LRRC2: variants seen among roughly 807,000 people sequenced by gnomAD.
The protein encoded by LRRC2 is leucine rich repeat containing 2, also known as leucine-rich repeat-containing protein 2.
In LRRC2, 27 loss-of-function variants were observed where a neutral mutation model predicts 40.2. The observed-to-expected ratio is 0.67, with a 90% confidence interval of 0.49 to 0.93. The LOEUF (loss-of-function observed/expected upper bound fraction) is 0.93, where lower values mean the gene tolerates loss of function less well. Ranked by LOEUF, LRRC2 falls within the 40% of genes least tolerant of loss-of-function variation. The pLI, the probability that LRRC2 is intolerant of heterozygous loss-of-function variation, is 0.00. For synonymous variants in LRRC2, 147 were observed against 158.9 expected, an observed-to-expected ratio of 0.92 and a Z score of 0.56; for missense variants, 402 against 439.6, an observed-to-expected ratio of 0.91 and a Z score of 0.76.
chr3:46,554,610 CCA>C, intron 1 of LRRC2, among the ~76,000 whole-genome samples: 1 of 149,282 alleles, frequency 6.7e-6, no homozygotes, highest in Middle Eastern at 3.5e-3. Flanking sequence ...CCAGCGCACT[CCA>C]GTCTGGGAGA....
At chr3:46,549,201 G>C (rs886602400) in intron 2 of LRRC2, among the ~76,000 whole-genome samples, 4 of 152,144 alleles carry the variant, frequency 2.6e-5, no homozygotes, top group Non-Finnish European at 5.9e-5. Flanking sequence ...ATTTGTTTCA[G>C]TAAATTTAAA....
Position 46,527,558 on chromosome 3 carries a change from A to C in LRRC2, c.797T>G (p.Leu266Arg). ...IDRLEELQSF[L>R]LYKNKLTYLP... is the part of the protein sequence containing the mutation. ...GTAGGTCAACTTGTTTTTATACAAG[A>C]GAAAGCTCTGCAGCTCCTCTAGCCT... Residue 266 changes from leucine (L) to arginine (R), a missense_variant, in exon 7 of 9, where the codon CTC becomes CGC. Physicochemically the swap from Leu to Arg is moderately radical, Grantham distance 102. Transcript: ENST00000395905. The C allele has an allele frequency of 6.2e-7, 1 of 1,614,082 alleles. No individual in the cohort carries two copies. Among genetic ancestry groups the C allele is most frequent in the Non-Finnish European group, 8.5e-7 (1 of 1,179,936 alleles).
intron 5 of LRRC2, among the ~76,000 whole-genome samples, chr3:46,532,367 G>A (rs1704177258): frequency 6.6e-6 from 1 of 152,182 alleles, no homozygotes; most frequent in Non-Finnish European, 1.5e-5. Flanking sequence ...GACTCTGGGA[G>A]GCCAAGGCAG....
At chr3:46,542,127 CT>C (rs1160209829) in intron 3 of LRRC2, among the ~76,000 whole-genome samples, 1 of 152,100 alleles carries the variant, frequency 6.6e-6, no homozygotes, top group Non-Finnish European at 1.5e-5. Flanking sequence ...TGTTAGTGCT[CT>C]GGACAACCCA....
chr3:46,529,021 G>A (rs1201563067), intron 6 of LRRC2, among the ~76,000 whole-genome samples: 1 of 152,034 alleles, frequency 6.6e-6, no homozygotes, highest in Non-Finnish European at 1.5e-5. Context: ...GGAGGCTGAG[G>A]TGAGGGAATT....
At chr3:46,531,692 T>G (rs992466552) in intron 5 of LRRC2, among the ~76,000 whole-genome samples, 2 of 152,150 alleles carry the variant, frequency 1.3e-5, no homozygotes, top group Admixed American at 6.5e-5. Flanking sequence ...CCATGACCCC[T>G]GGCTGTGCAC....
chr3:46,539,202 C>A lies in LRRC2; in HGVS notation c.334-1G>T, dbSNP rs889640812. Reference sequence around the variant, plus strand: ...GCTCCTTCAATGAATCTGGGAGCTCCTAAAATAGAAAGAATGACATCAATC... The same window carrying A: ...GCTCCTTCAATGAATCTGGGAGCTCATAAAATAGAAAGAATGACATCAATC... On this transcript the variant is annotated splice_acceptor_variant, in intron 3 of 8. Coordinates refer to ENST00000395905, the MANE Select transcript of LRRC2 (RefSeq NM_024512.5). LOFTEE classifies it high-confidence loss of function. 6.2e-7 allele frequency: 1 copy of A among 1,613,020 alleles called. No homozygotes were observed. The highest frequency in any genetic ancestry group is 8.5e-7 in the Non-Finnish European group (1 of 1,179,612).
chr3:46,549,651 T>C (rs1056088971), intron 2 of LRRC2, among the ~76,000 whole-genome samples: 2 of 152,178 alleles, frequency 1.3e-5, no homozygotes, highest in Non-Finnish European at 2.9e-5. Context: ...GTTTAACACC[T>C]CAAAGAAAGA....
intron 7 of LRRC2, 65 bp downstream of exon 7, chr3:46,527,361 G>C: frequency 1.3e-6 from 2 of 1,553,244 alleles, no homozygotes; most frequent in South Asian, 2.3e-5. Flanking sequence ...AGCTGCCCAG[G>C]CTCTGGTACT....
rs1250723377 is a variant in LRRC2, at chr3:46,517,480, A to C, written c.*1534T>G. 6.6e-6 allele frequency: 1 copy of C among 151,812 alleles called. No homozygotes were observed. Among genetic ancestry groups the C allele is most frequent in the African/African-American group, 2.4e-5 (1 of 41,302 alleles). 9.4% of individuals were successfully genotyped at this position (151,812 alleles called of 1,614,324 possible). On this transcript the variant is annotated 3_prime_UTR_variant, in exon 9 of 9. Transcript: ENST00000395905. ...GCTGGGACCACAGGCACATGCCACC[A>C]CACCTGGCTAATTTTTTGAATTTTT...
chr3:46,529,497 T>C (rs1055608852), intron 6 of LRRC2, among the ~76,000 whole-genome samples: 4 of 152,238 alleles, frequency 2.6e-5, no homozygotes, highest in Non-Finnish European at 5.9e-5. Flanking sequence ...CAATTTTGTT[T>C]GAAAGTTTAT....
rs758953965 is a variant in LRRC2 at position 46,539,016 on chromosome 3, G to A, written c.490+29C>T. 6.8e-6 allele frequency: 11 copies of A among 1,607,728 alleles called. No individual in the cohort carries two copies. In the African/African-American group the frequency reaches 1.2e-4, roughly 18 times the overall value. On this transcript the variant is annotated intron_variant, in intron 4 of 8. Transcript: ENST00000395905. ...CAGCTGCCTGCTTAACACACCAGAG[G>A]CCCGAAGACCCCTGCTAAGTTGACA...
intron 1 of LRRC2, among the ~76,000 whole-genome samples, chr3:46,561,200 A>G (rs1490036864): frequency 1.3e-5 from 2 of 151,908 alleles, no homozygotes. Context: ...TCTCAGAACA[A>G]GAGGGACTAG....
chr3:46,527,369 A>C, intron 7 of LRRC2, 57 bp downstream of exon 7: 1 of 1,582,348 alleles, frequency 6.3e-7, no homozygotes, highest in South Asian at 1.1e-5. Flanking sequence ...AGGCTCTGGT[A>C]CTTCTCACTC....
chr3:46,563,868 G>A (rs1362790529), intron 1 of LRRC2, among the ~76,000 whole-genome samples: 3 of 152,208 alleles, frequency 2.0e-5, no homozygotes, highest in Admixed American at 6.5e-5. Context: ...GCAGACAGAG[G>A]TGTGCTATGG....
chr3:46,551,801 T>C (rs953310288), intron 1 of LRRC2, among the ~76,000 whole-genome samples, 191 bp from the exon 2 acceptor site: 1 of 149,954 alleles, frequency 6.7e-6, no homozygotes, highest in Non-Finnish European at 1.5e-5. Context: ...TGGGTTTTGT[T>C]TGTCTTGTTT....
Position 46,521,645 on chromosome 3 carries a change from TA to T in LRRC2, c.942del (p.Met315TrpfsTer16), listed in dbSNP as rs1480360429. 1 of 1,611,202 alleles carries T rather than the reference TA, an allele frequency of 6.2e-7. No individual in the cohort carries two copies. Among genetic ancestry groups the T allele is most frequent in the Non-Finnish European group, 8.5e-7 (1 of 1,179,478 alleles). ...DSSTPLKFVS[L>X]MDNPIDNAQC... ...TGGGCATTATCAATAGGATTGTCCA[TA>T]AGGCTTACAAATCTATTCGAGAAAG... On this transcript the variant is annotated frameshift_variant, in exon 8 of 9. Transcript: ENST00000395905. LOFTEE classifies it high-confidence loss of function.
At chr3:46,521,705 T>G in intron 7 of LRRC2, 47 bp from the exon 8 acceptor site, 1 of 1,548,576 alleles carries the variant, frequency 6.5e-7, no homozygotes, top group Non-Finnish European at 8.7e-7. Flanking sequence ...CTGTGCGTTT[T>G]AAACTGCAAA....
At chr3:46,519,203 T>C in intron 8 of LRRC2, 140 bp from the exon 9 acceptor site, 1 of 664,818 alleles carries the variant, frequency 1.5e-6, no homozygotes, top group Non-Finnish European at 2.7e-6. Flanking sequence ...AGATACTGTA[T>C]AGGTGATAAA....
Sources: allele counts gnomAD v4.1 joint callset (sites outside exome capture counted in the v4.1 genomes callset), GRCh38; gene constraint gnomAD v4.1.1; transcripts MANE v1.5; gene names NCBI Gene and HGNC (gene_info 2026-07-23, HGNC 2026-07-21).